The following SLC25A36 variants were observed in gnomAD, a reference collection of about 807,000 sequenced individuals.
SLC25A36 encodes the protein solute carrier family 25 member 36.
A neutral mutation model predicts 35.3 loss-of-function variants in SLC25A36; 24 were observed. The ratio of observed to expected loss-of-function variants is 0.68; its 90% confidence interval spans 0.49 to 0.96. The LOEUF (loss-of-function observed/expected upper bound fraction) is 0.96. SLC25A36 is among the 40% of genes least tolerant of loss of function. SLC25A36 has a pLI of 0.00. For synonymous variants in SLC25A36, 141 were observed against 132.2 expected (o/e 1.07, Z -0.46); for missense variants, 294 against 381.1 (o/e 0.77, Z 1.90).
At chr3:140,955,456 A>G (rs529418208) in intron 1 of SLC25A36, among the ~76,000 whole-genome samples, 73 of 152,336 alleles carry the variant, frequency 4.8e-4, no homozygotes, top group Non-Finnish European at 8.1e-4. Context: ...CTTGGTAGTT[A>G]TTAATGTTTT....
chr3:140,976,485 A>C lies in SLC25A36; in HGVS notation c.*32A>C. 1 of 1,556,896 alleles carries C rather than the reference A, an allele frequency of 6.4e-7. No homozygotes were observed. The highest frequency in any genetic ancestry group is 8.7e-7 in the Non-Finnish European group (1 of 1,153,260). On this transcript the variant is annotated 3_prime_UTR_variant, in exon 7 of 7. Transcript: ENST00000324194. ...GAGGACTGCTGTACTGCAAAAAAAG[A>C]AGACCAAAAGATTACAGTGGACCAT...
chr3:140,976,257 C>G lies in SLC25A36; in HGVS notation c.743-3C>G. On this transcript the variant is annotated splice_polypyrimidine_tract_variant and splice_region_variant and intron_variant, in intron 6 of 6. Coordinates refer to ENST00000324194, the MANE Select transcript of SLC25A36 (RefSeq NM_001104647.3). ...TGTTTAATTTTATTTCTTTCCTACA[C>G]AGAAGTTGTAAGAACAAGACTACGT... 1 of 1,576,574 alleles carries G rather than the reference C, an allele frequency of 6.3e-7. No individual in the cohort carries two copies.
Position 140,963,150 on chromosome 3 carries a change from CA to C in SLC25A36, c.311del (p.Asn104ThrfsTer6). 1 of 1,587,114 alleles carries C rather than the reference CA, an allele frequency of 6.3e-7. No homozygotes were observed. On this transcript the variant is annotated frameshift_variant, in exon 4 of 7. Coordinates refer to ENST00000324194, the MANE Select transcript of SLC25A36 (RefSeq NM_001104647.3). LOFTEE classifies it high-confidence loss of function. ...PSRAIYFAAY[S>X]NCKEKLNDVF... The stretch of plus-strand genomic sequence containing the variant: ...AGAGCAATATACTTTGCTGCTTATT[CA>C]AACTGCAAGGAAAAGTTGAATGATG...
rs564684861 is a variant in SLC25A36, at chr3:140,980,578, C to T, written c.*4125C>T. Among the ~76,000 whole-genome samples the T allele has an allele frequency of 2.0e-5, 3 of 152,066 alleles. No individual in the cohort carries two copies. Among genetic ancestry groups the T allele is most frequent in the East Asian group, 1.9e-4 (1 of 5,170 alleles). Reference sequence around the variant, plus strand: ...TTGTGTGTGTGTGTTTATTACTGAACATTGGGAGCCGTGATAGGGAAGTAA... The same window carrying T: ...TTGTGTGTGTGTGTTTATTACTGAATATTGGGAGCCGTGATAGGGAAGTAA... On this transcript the variant is annotated 3_prime_UTR_variant, in exon 7 of 7. Coordinates refer to ENST00000324194, the MANE Select transcript of SLC25A36 (RefSeq NM_001104647.3).
In SLC25A36 at chr3:140,963,163, A is replaced by G; in HGVS notation, c.321A>G (p.Glu107=). ...IYFAAYSNCK[E]KLNDVFDPDS... The stretch of plus-strand genomic sequence containing the variant: ...TTGCTGCTTATTCAAACTGCAAGGA[A>G]AAGTTGAATGATGTATTTGATCCTG... The change falls in exon 4 of 7, where the codon GAA becomes GAG. Residue 107 remains glutamate (E), a synonymous_variant. Transcript: ENST00000324194. 6.3e-7 allele frequency: 1 copy of G among 1,594,638 alleles called. No individual in the cohort carries two copies. Among genetic ancestry groups the G allele is most frequent in the Admixed American group, 1.8e-5 (1 of 54,544 alleles).
intron 4 of SLC25A36, chr3:140,964,109 G>C (rs1257299328): frequency 6.6e-6 from 1 of 152,008 alleles, no homozygotes; most frequent in African/African-American, 2.4e-5. Flanking sequence ...TCAATAAATT[G>C]AATGTCAATT....
At position 140,941,902 on chromosome 3, in the gene SLC25A36, GT is replaced by G; in HGVS notation, c.-152del. On this transcript the variant is annotated 5_prime_UTR_variant, in exon 1 of 7. Coordinates refer to ENST00000324194, the MANE Select transcript of SLC25A36 (RefSeq NM_001104647.3). Reference sequence around the variant, plus strand: ...CGGCTGGAGTGCCGCGGGGAGGGCTGTGCCGGTTGCTTTCTGCAGCCGCATC... The same window carrying G: ...CGGCTGGAGTGCCGCGGGGAGGGCTGGCCGGTTGCTTTCTGCAGCCGCATC... The G allele has an allele frequency of 1.9e-6, 1 of 535,086 alleles. No homozygotes were observed. Among genetic ancestry groups the G allele is most frequent in the Non-Finnish European group, 3.3e-6 (1 of 301,624 alleles). The allele number at this position is 535,086 out of a possible 1,614,324, so 33.1% of individuals were successfully genotyped here.
Position 140,944,048 on chromosome 3 carries a change from T to A in SLC25A36, c.41+1953T>A, listed in dbSNP as rs561713541. 1.1e-3 allele frequency among the ~76,000 whole-genome samples: 165 copies of A among 152,320 alleles called. No homozygotes were observed. In the Middle Eastern group the frequency reaches 0.014, roughly 13 times the overall value. On this transcript the variant is annotated intron_variant, in intron 1 of 6. Transcript: ENST00000324194. ...GATAGGTGCTCAGCCGTATAATTTC[T>A]CTTCCTTTGCATCTCATCTTGATTT...
At position 140,979,627 on chromosome 3, in the gene SLC25A36, T is replaced by G. The variant is rs1012153637; in HGVS notation, c.*3174T>G. 2 of 152,226 alleles carry G rather than the reference T, an allele frequency of 1.3e-5. No individual in the cohort carries two copies. The highest frequency in any genetic ancestry group is 3.8e-4 in the East Asian group (2 of 5,204). The allele number at this position is 152,226 out of a possible 1,614,324, so 9.4% of individuals were successfully genotyped here. On this transcript the variant is annotated 3_prime_UTR_variant, in exon 7 of 7. Coordinates refer to ENST00000324194, the MANE Select transcript of SLC25A36 (RefSeq NM_001104647.3). ...CTCAGATCTCTTCTCCATCATGTAC[T>G]TAGTATTTCCCATTAACCTACACAC...
chr3:140,954,386 C>G (rs1238747077), intron 1 of SLC25A36, among the ~76,000 whole-genome samples: 1 of 152,154 alleles, frequency 6.6e-6, no homozygotes, highest in Non-Finnish European at 1.5e-5. Flanking sequence ...CATGTCTGTT[C>G]ATTTCTCTTG....
chr3:140,945,331 G>C (rs1191873094), intron 1 of SLC25A36, among the ~76,000 whole-genome samples: 3 of 152,094 alleles, frequency 2.0e-5, no homozygotes, highest in East Asian at 3.9e-4. Flanking sequence ...ACTAGTTTTG[G>C]GGGAGACAAA....
At position 140,980,953 on chromosome 3, in the gene SLC25A36, C is replaced by T. The variant is rs148663665; in HGVS notation, c.*4500C>T. Among the ~76,000 whole-genome samples the T allele has an allele frequency of 1.5e-4, 23 of 152,204 alleles. No homozygotes were observed. Among genetic ancestry groups the T allele is most frequent in the African/African-American group, 5.5e-4 (23 of 41,538 alleles). On this transcript the variant is annotated 3_prime_UTR_variant, in exon 7 of 7. Coordinates refer to ENST00000324194, the MANE Select transcript of SLC25A36 (RefSeq NM_001104647.3). ...TGGTGTCATGTGATTTCTTAATAGC[C>T]TATAGATCCAATAAATACAGAGGAA...
intron 4 of SLC25A36, chr3:140,965,780 T>TC (rs1160720997): frequency 2.6e-5 from 4 of 151,938 alleles, no homozygotes; most frequent in African/African-American, 7.2e-5. Context: ...GCCTTTTTTT[T>TC]CTCCTACACA....
chr3:140,948,092 T>G (rs1934214951), intron 1 of SLC25A36, among the ~76,000 whole-genome samples: 1 of 152,212 alleles, frequency 6.6e-6, no homozygotes, highest in Non-Finnish European at 1.5e-5. Flanking sequence ...TAGCTGGGAT[T>G]ACAGGTGCCT....
At position 140,980,595 on chromosome 3, in the gene SLC25A36, G is replaced by A. The variant is rs1935157290; in HGVS notation, c.*4142G>A. 6.6e-6 allele frequency among the ~76,000 whole-genome samples: 1 copy of A among 152,038 alleles called. No homozygotes were observed. The highest frequency in any genetic ancestry group is 2.4e-5 in the African/African-American group (1 of 41,384). The stretch of plus-strand genomic sequence containing the variant: ...TTACTGAACATTGGGAGCCGTGATA[G>A]GGAAGTAATTTGTGAGTTCATGATT... On this transcript the variant is annotated 3_prime_UTR_variant, in exon 7 of 7. Transcript: ENST00000324194.
At chr3:140,966,094 ATG>A (rs1182117087) in intron 4 of SLC25A36, 3 of 152,156 alleles carry the variant, frequency 2.0e-5, no homozygotes, top group Admixed American at 1.3e-4. Context: ...TAATCATTGA[ATG>A]TTTCCTACAT....
intron 1 of SLC25A36, among the ~76,000 whole-genome samples, chr3:140,946,257 G>A (rs1934161616): frequency 6.6e-6 from 1 of 152,176 alleles, no homozygotes; most frequent in Non-Finnish European, 1.5e-5. Context: ...GAATCTTACT[G>A]AGATGACATT....
intron 3 of SLC25A36, among the ~76,000 whole-genome samples, chr3:140,960,485 T>C (rs1934600109): frequency 6.6e-6 from 1 of 152,064 alleles, no homozygotes; most frequent in Non-Finnish European, 1.5e-5. Flanking sequence ...AGAAACAAGA[T>C]AGAAAATAGA....
At position 140,941,931 on chromosome 3, in the gene SLC25A36, G is replaced by T; in HGVS notation, c.-124G>T. 2 of 596,244 alleles carry T rather than the reference G, an allele frequency of 3.4e-6. No individual in the cohort carries two copies. Among genetic ancestry groups the T allele is most frequent in the South Asian group, 4.5e-5 (2 of 44,610 alleles). The allele number at this position is 596,244 out of a possible 1,614,324, so 36.9% of individuals were successfully genotyped here. ...CGGTTGCTTTCTGCAGCCGCATCTC[G>T]GCCAGCTCTCCTCGCCGTCCCCGGG... On this transcript the variant is annotated 5_prime_UTR_variant, in exon 1 of 7. Coordinates refer to ENST00000324194, the MANE Select transcript of SLC25A36 (RefSeq NM_001104647.3).
Sources: allele counts gnomAD v4.1 joint callset (sites outside exome capture counted in the v4.1 genomes callset), GRCh38; gene constraint gnomAD v4.1.1; transcripts MANE v1.5; gene names NCBI Gene and HGNC (gene_info 2026-07-23, HGNC 2026-07-21).